Variants in ADAMTS6 observed in about 807,000 individuals in gnomAD.
The protein encoded by ADAMTS6 is ADAM metallopeptidase with thrombospondin type 1 motif 6.
ADAMTS6 carries 23 observed loss-of-function variants against 144.3 expected under a neutral mutation model. The observed-to-expected ratio is 0.16, with a 90% confidence interval of 0.11 to 0.23. The LOEUF is 0.23. ADAMTS6 is among the 10% of genes least tolerant of loss of function. The pLI is 1.00. For synonymous variants in ADAMTS6, 444 were observed against 457.5 expected, an observed-to-expected ratio of 0.97 and a Z score of 0.38; for missense variants, 999 against 1,379.6, an observed-to-expected ratio of 0.72 and a Z score of 4.37.
At chr5:65,352,592 T>C (rs1748961631) in intron 7 of ADAMTS6, among the ~76,000 whole-genome samples, 1 of 151,988 alleles carries the variant, frequency 6.6e-6, no homozygotes, top group African/African-American at 2.4e-5. Context: ...CCAAACAAAA[T>C]TTAGAATAGA....
At chr5:65,248,121 A>T (rs372400738) in intron 14 of ADAMTS6, among the ~76,000 whole-genome samples, 21 of 152,294 alleles carry the variant, frequency 1.4e-4, no homozygotes, top group African/African-American at 5.1e-4. Context: ...CCTCTTTTAA[A>T]AGTTGCAAAC....
At chr5:65,469,795 T>G (rs1232856088) in intron 3 of ADAMTS6, among the ~76,000 whole-genome samples, 1 of 152,234 alleles carries the variant, frequency 6.6e-6, no homozygotes, top group African/African-American at 2.4e-5. Flanking sequence ...ATAGTTATTT[T>G]ATATTGAAAC....
chr5:65,442,315 T>C (rs1757927161), intron 7 of ADAMTS6, among the ~76,000 whole-genome samples: 1 of 152,138 alleles, frequency 6.6e-6, no homozygotes, highest in Admixed American at 6.5e-5. Flanking sequence ...AAAATAAACA[T>C]ATTCCTTGAA....
intron 7 of ADAMTS6, chr5:65,415,810 C>T (rs1160270762): frequency 3.9e-6 from 1 of 257,744 alleles, no homozygotes; most frequent in South Asian, 4.1e-5. Context: ...GGCCATCATC[C>T]CAGCCAAGCT....
intron 22 of ADAMTS6, among the ~76,000 whole-genome samples, chr5:65,184,637 A>AAGAGCTTTCAAGCATCCACAGT (rs962875232): frequency 6.6e-6 from 1 of 152,226 alleles, no homozygotes; most frequent in African/African-American, 2.4e-5. Context: ...AGTATGCAGC[A>AAGAGCTTTCAAGCATCCACAGT]ATGCTTTCAA....
At chr5:65,369,855 A>G (rs1750676620) in intron 7 of ADAMTS6, among the ~76,000 whole-genome samples, 1 of 152,162 alleles carries the variant, frequency 6.6e-6, no homozygotes, top group Admixed American at 6.5e-5. Context: ...CAAAACAGCA[A>G]TTCTAAAAAT....
At position 65,267,560 on chromosome 5, in the gene ADAMTS6, A is replaced by T. The variant is rs368832778; in HGVS notation, c.1621-4598T>A. Among the ~76,000 whole-genome samples the T allele has an allele frequency of 4.7e-4, 72 of 152,274 alleles. No homozygotes were observed. The South Asian group carries it at 8.5e-3, about 18-fold the overall frequency. ...CTTTAGAAACACTACTTATTATTAA[A>T]CAACATCTCTTGCTATTATACTACT... On this transcript the variant is annotated intron_variant, in intron 12 of 24. Transcript: ENST00000381055.
At position 65,188,093 on chromosome 5, in the gene ADAMTS6, T is replaced by C. The variant is rs867438920; in HGVS notation, c.2833A>G (p.Thr945Ala). 2 of 1,614,160 alleles carry C rather than the reference T, an allele frequency of 1.2e-6. No individual in the cohort carries two copies. The highest frequency in any genetic ancestry group is 2.2e-5 in the South Asian group (2 of 91,086). Reference sequence around the variant, plus strand: ...GGCTCTTTTTCGACAGGCCGGTGTGTTAAACAACCACTGTAGTCCAGCGTC... The same window carrying C: ...GGCTCTTTTTCGACAGGCCGGTGTGCTAAACAACCACTGTAGTCCAGCGTC... ...EETLDYSGCL[T>A]HRPVEKEPCN... The change falls in exon 22 of 25, where the codon ACA (threonine) becomes GCA (alanine). Residue 945 changes from threonine (T) to alanine (A), a missense_variant. Transcript: ENST00000381055.
intron 1 of ADAMTS6, among the ~76,000 whole-genome samples, chr5:65,476,802 A>G (rs1400734992): frequency 6.6e-6 from 1 of 151,770 alleles, no homozygotes; most frequent in Non-Finnish European, 1.5e-5. Flanking sequence ...TTTAGTAGAG[A>G]TGGGGTTTCA....
At chr5:65,229,689 G>T (rs1757992019) in intron 15 of ADAMTS6, among the ~76,000 whole-genome samples, 1 of 152,064 alleles carries the variant, frequency 6.6e-6, no homozygotes, top group South Asian at 2.1e-4. Context: ...ACTTGATCCA[G>T]CAGAAGAAAG....
chr5:65,359,793 C>CT (rs1749660575), intron 7 of ADAMTS6, among the ~76,000 whole-genome samples: 1 of 150,626 alleles, frequency 6.6e-6, no homozygotes, highest in Non-Finnish European at 1.5e-5. Flanking sequence ...CGTGTAGAGT[C>CT]TAAAAAAAAA....
intron 9 of ADAMTS6, among the ~76,000 whole-genome samples, chr5:65,312,943 T>C (rs749352172): frequency 2.6e-5 from 4 of 151,982 alleles, no homozygotes; most frequent in East Asian, 1.9e-4. Context: ...TCTTCTTTAG[T>C]ACTATGAGAA....
At chr5:65,235,070 TG>T (rs1758562564) in intron 15 of ADAMTS6, among the ~76,000 whole-genome samples, 1 of 152,138 alleles carries the variant, frequency 6.6e-6, no homozygotes, top group Non-Finnish European at 1.5e-5. Flanking sequence ...TATCAGGGAT[TG>T]GGTGGAAATA....
At chr5:65,387,269 A>C (rs1460443274) in intron 7 of ADAMTS6, among the ~76,000 whole-genome samples, 1 of 152,246 alleles carries the variant, frequency 6.6e-6, no homozygotes. Context: ...ATTCATATTC[A>C]TATTCACATT....
chr5:65,210,120 T>G (rs896906896), intron 20 of ADAMTS6: 5 of 219,336 alleles, frequency 2.3e-5, no homozygotes, highest in Non-Finnish European at 4.8e-5. Context: ...GGCCTGCTGC[T>G]GGCCCACAGG....
chr5:65,466,639 G>A (rs1161760165), intron 3 of ADAMTS6, among the ~76,000 whole-genome samples: 1 of 152,098 alleles, frequency 6.6e-6, no homozygotes, highest in Non-Finnish European at 1.5e-5. Flanking sequence ...TGACAACTAT[G>A]GACATGACTA....
At chr5:65,395,243 C>T (rs1472508757) in intron 7 of ADAMTS6, among the ~76,000 whole-genome samples, 1 of 151,920 alleles carries the variant, frequency 6.6e-6, no homozygotes, top group Non-Finnish European at 1.5e-5. Flanking sequence ...TTTTAAATAC[C>T]CTCTTCTGAA....
At chr5:65,217,738 T>C (rs1406056280) in intron 18 of ADAMTS6, among the ~76,000 whole-genome samples, 1 of 152,190 alleles carries the variant, frequency 6.6e-6, no homozygotes, top group African/African-American at 2.4e-5. Flanking sequence ...TGGAATGATA[T>C]TTTAACTAAA....
intron 3 of ADAMTS6, among the ~76,000 whole-genome samples, chr5:65,462,523 A>C (rs1465921791): frequency 6.6e-6 from 1 of 152,206 alleles, no homozygotes; most frequent in Non-Finnish European, 1.5e-5. Flanking sequence ...CGTACCACTA[A>C]CTGTTCCACT....
Sources: gnomAD v4.1 joint callset for allele counts (sites outside exome capture counted in the v4.1 genomes callset) on GRCh38, gnomAD v4.1.1 for gene constraint, MANE v1.5 for transcripts, NCBI Gene and HGNC (gene_info 2026-07-23, HGNC 2026-07-21) for gene names.